The following WDR87 variants were observed in gnomAD, a reference collection of about 807,000 sequenced individuals.
WDR87 encodes the protein WD repeat domain 87.
Under a neutral mutation model 83.3 loss-of-function variants are expected in WDR87, and 56 were observed. That is an observed-to-expected ratio of 0.67 (90% CI 0.54 to 0.84). The LOEUF (loss-of-function observed/expected upper bound fraction) is 0.84, where lower values mean the gene tolerates loss of function less well. Among genes scored for constraint, WDR87 ranks in the 40% least tolerant of loss-of-function variants. The pLI is 0.00. For missense variants in WDR87, 2,939 were observed against 3,431.9 expected (o/e 0.86, Z 3.59); for synonymous variants, 1,173 against 1,250.6 (o/e 0.94, Z 1.31).
chr19:37,905,625 C>G (rs1830738038), intron 1 of WDR87, among the ~76,000 whole-genome samples: 1 of 151,530 alleles, frequency 6.6e-6, no homozygotes, highest in Non-Finnish European at 1.5e-5. Context: ...GGCAGTGGTG[C>G]AATCATGGTT....
intron 5 of WDR87, 119 bp downstream of exon 5, chr19:37,891,433 A>T: frequency 3.0e-6 from 4 of 1,317,724 alleles, no homozygotes; most frequent in Non-Finnish European, 3.1e-6. Flanking sequence ...CAGTGCTGGA[A>T]TTACAGGCAT....
Position 37,895,337 on chromosome 19 carries a change from CA to C in WDR87, c.365del (p.Val122GlyfsTer7). On this transcript the variant is annotated frameshift_variant, in exon 4 of 6. Transcript: ENST00000447313. LOFTEE classifies it high-confidence loss of function. ...MVHAGSFHIL[V>X]VYCGDLILRL... ...GCAGGATCAGGTCACCACAGTAGACCACGAGGATATGAAAGGAGCCTGCATG... is the reference window on the plus strand; with the variant it reads ...GCAGGATCAGGTCACCACAGTAGACCCGAGGATATGAAAGGAGCCTGCATG... 6.4e-7 allele frequency: 1 copy of C among 1,551,718 alleles called. No homozygotes were observed. Among genetic ancestry groups the C allele is most frequent in the Non-Finnish European group, 8.7e-7 (1 of 1,147,010 alleles).
Position 37,885,417 on chromosome 19 carries a change from T to G in WDR87, c.8254A>C (p.Thr2752Pro). The G allele has an allele frequency of 6.4e-7, 1 of 1,551,848 alleles. No individual in the cohort carries two copies. The highest frequency in any genetic ancestry group is 1.2e-5 in the South Asian group (1 of 84,066). ...TCCTTTTTTTTAGAAATGGGCTGTGTCTTCTTCTCTAACTTGGGCAGTTTA... is the reference window on the plus strand; with the variant it reads ...TCCTTTTTTTTAGAAATGGGCTGTGGCTTCTTCTCTAACTTGGGCAGTTTA... Reference protein sequence around the residue: ...FPKLPKLEKKTQPISKKKEEL... With the variant: ...FPKLPKLEKKPQPISKKKEEL... Residue 2752 changes from threonine (T) to proline (P), a missense_variant, in exon 6 of 6, where the codon ACA becomes CCA. Transcript: ENST00000447313.
At position 37,886,777 on chromosome 19, in the gene WDR87, C is replaced by CTCCTCCCTTTCCTCTTCT. The variant is rs2046151544; in HGVS notation, c.6876_6893dup (p.Glu2303_Arg2308dup). The CTCCTCCCTTTCCTCTTCT allele has an allele frequency of 1.4e-6, 2 of 1,434,684 alleles. No individual in the cohort carries two copies. Among genetic ancestry groups the CTCCTCCCTTTCCTCTTCT allele is most frequent in the Non-Finnish European group, 1.9e-6 (2 of 1,055,006 alleles). 88.9% of individuals were successfully genotyped at this position (1,434,684 alleles called of 1,614,324 possible). On this transcript the variant is annotated inframe_insertion, in exon 6 of 6. Coordinates refer to ENST00000447313, the MANE Select transcript of WDR87 (RefSeq NM_001291088.2). Reference sequence around the variant, plus strand: ...CCTCCTCCTCCTCCCTTTCCTCCTCCTCCTCCCTTTCCTCTTCTTCCTCCC... The same window carrying CTCCTCCCTTTCCTCTTCT: ...CCTCCTCCTCCTCCCTTTCCTCCTCCTCCTCCCTTTCCTCTTCTTCCTCCCTTTCCTCTTCTTCCTCCC...
In WDR87 at chr19:37,886,750, TTCC is replaced by T. The variant is rs749855670; in HGVS notation, c.6918_6920del (p.Glu2307del). The T allele has an allele frequency of 7.9e-5, 104 of 1,316,250 alleles. No individual in the cohort carries two copies. Among genetic ancestry groups the T allele is most frequent in the Middle Eastern group, 6.0e-4 (3 of 5,022 alleles). 81.5% of individuals were successfully genotyped at this position (1,316,250 alleles called of 1,614,324 possible). A position where few individuals can be genotyped will look rare whatever the true frequency, so the allele number is the denominator to read the frequency against. On this transcript the variant is annotated inframe_deletion, in exon 6 of 6. Transcript: ENST00000447313. ...CCTCCCCTTCCTCCTCCTCCTTCCT[TTCC>T]TCCTCCTCCTCCCTTTCCTCCTCCT...
intron 2 of WDR87, among the ~76,000 whole-genome samples, chr19:37,897,932 G>A (rs181651979): frequency 6.6e-6 from 1 of 152,172 alleles, no homozygotes; most frequent in Admixed American, 6.5e-5. Flanking sequence ...TTTCCAGAAG[G>A]TCAGTTCCTC....
chr19:37,897,288 A>C (rs1297092737), intron 2 of WDR87, among the ~76,000 whole-genome samples: 1 of 148,592 alleles, frequency 6.7e-6, no homozygotes, highest in African/African-American at 2.5e-5. Flanking sequence ...GCTCATTGCA[A>C]CCTTTGCCTC....
rs1568449822 is a variant in WDR87, at chr19:37,888,520, TTTCTC to T, written c.5146_5150del (p.Glu1716ThrfsTer10). 3.9e-6 allele frequency: 6 copies of T among 1,551,696 alleles called. No homozygotes were observed. The highest frequency in any genetic ancestry group is 5.2e-6 in the Non-Finnish European group (6 of 1,146,984). On this transcript the variant is annotated frameshift_variant, in exon 6 of 6. Coordinates refer to ENST00000447313, the MANE Select transcript of WDR87 (RefSeq NM_001291088.2). LOFTEE classifies it low-confidence loss of function (END_TRUNC). ...CCAGTTTCCCTCCTTTCTTTGCTAGTTTCTCTTCTTCTCTAGCCACTTTCTCCCAT... is the reference window on the plus strand; with the variant it reads ...CCAGTTTCCCTCCTTTCTTTGCTAGTTTCTTCTCTAGCCACTTTCTCCCAT...
chr19:37,888,558 C>T lies in WDR87; in HGVS notation c.5113G>A (p.Ala1705Thr). 1 of 1,551,856 alleles carries T rather than the reference C, an allele frequency of 6.4e-7. No individual in the cohort carries two copies. Among genetic ancestry groups the T allele is most frequent in the Admixed American group, 2.0e-5 (1 of 50,986 alleles). The change falls in exon 6 of 6, where the codon GCC becomes ACC. Residue 1705 changes from alanine (A) to threonine (T), a missense_variant. Physicochemically the swap from Ala to Thr is moderately conservative, Grantham distance 58 (BLOSUM62 0). Coordinates refer to ENST00000447313, the MANE Select transcript of WDR87 (RefSeq NM_001291088.2). The stretch of plus-strand genomic sequence containing the variant: ...CTAGCCACTTTCTCCCATTTCTTGG[C>T]CAGTTTCTTCCTTTTCTGGGCCAAT... ...EKLAQKRKKL[A>T]KKWEKVAREE...
At chr19:37,900,560 C>CAAAAAAAAAAAAAAAAA (rs58946958) in intron 1 of WDR87, among the ~76,000 whole-genome samples, 4 of 78,090 alleles carry the variant, frequency 5.1e-5, no homozygotes, top group Admixed American at 1.6e-4. Context: ...GACTCCGTCT[C>CAAAAAAAAAAAAAAAAA]AAAAAAAAAA....
At chr19:37,902,022 G>GTTTGTTTA (rs1160986178) in intron 1 of WDR87, among the ~76,000 whole-genome samples, 68 of 145,188 alleles carry the variant, frequency 4.7e-4, no homozygotes, top group Admixed American at 3.6e-3. Flanking sequence ...GGCCCTCTAT[G>GTTTGTTTA]TTTATTTATT....
At position 37,894,110 on chromosome 19, in the gene WDR87, A is replaced by G. The variant is rs1599766177; in HGVS notation, c.1593T>C (p.Asp531=). The G allele has an allele frequency of 1.3e-6, 2 of 1,552,358 alleles. No individual in the cohort carries two copies. Among genetic ancestry groups the G allele is most frequent in the East Asian group, 2.4e-5 (1 of 40,928 alleles). Residue 531 remains aspartate (D), a synonymous_variant, in exon 4 of 6, where the codon GAT becomes GAC. Transcript: ENST00000447313. The part of the protein sequence containing the change: ...GNSLLCSYGM[D]DYVHLSEAVL... ...CAGCTTCTGACAGGTGCACATAGTC[A>G]TCCATTCCATAGGAACAGAGCAGAG...
At position 37,892,967 on chromosome 19, in the gene WDR87, C is replaced by T. The variant is rs1256299834; in HGVS notation, c.2736G>A (p.Lys912=). ...DGANRSWLGR[K]MSEITINSMI... is the part of the protein sequence containing the mutation. ...TGCTATTAATGGTTATTTCACTCAT[C>T]TTTCTTCCCAGCCAACTTCGGTTTG... The change falls in exon 4 of 6, where the codon AAG becomes AAA. Residue 912 remains lysine, a synonymous_variant. Transcript: ENST00000447313. The T allele has an allele frequency of 1.3e-6, 2 of 1,552,000 alleles. No individual in the cohort carries two copies. Among genetic ancestry groups the T allele is most frequent in the Non-Finnish European group, 8.7e-7 (1 of 1,147,078 alleles).
chr19:37,898,374 T>C (rs2046272200), intron 1 of WDR87, 89 bp from the exon 2 acceptor site: 11 of 1,442,850 alleles, frequency 7.6e-6, no homozygotes, highest in African/African-American at 1.4e-5. Context: ...CTCATGTTTA[T>C]TGAACACCTT....
At chr19:37,900,962 CAAAAAAAAA>C (rs878938966) in intron 1 of WDR87, among the ~76,000 whole-genome samples, 13 of 29,514 alleles carry the variant, frequency 4.4e-4, no homozygotes, top group Non-Finnish European at 6.7e-4. Flanking sequence ...CCTGTCTCTA[CAAAAAAAAA>C]AAAAAAAAAA....
chr19:37,906,695 C>T (rs1464160921), upstream of WDR87: 1 of 143,754 alleles, frequency 7.0e-6, no homozygotes. Context: ...GGCGCGCGCC[C>T]GGCGCGAGAA....
chr19:37,902,482 T>C (rs2046299448), intron 1 of WDR87, among the ~76,000 whole-genome samples: 1 of 152,148 alleles, frequency 6.6e-6, no homozygotes, highest in South Asian at 2.1e-4. Flanking sequence ...CCTCCCAAAG[T>C]GCTGGGATTA....
At chr19:37,902,718 G>A (rs2046300858) in intron 1 of WDR87, among the ~76,000 whole-genome samples, 1 of 152,134 alleles carries the variant, frequency 6.6e-6, no homozygotes, top group African/African-American at 2.4e-5. Flanking sequence ...GCATTAGTTG[G>A]TGGCCTGAGG....
Position 37,893,668 on chromosome 19 carries a change from G to C in WDR87, c.2035C>G (p.Pro679Ala). 1.3e-6 allele frequency: 2 copies of C among 1,552,126 alleles called. No homozygotes were observed. The highest frequency in any genetic ancestry group is 1.7e-6 in the Non-Finnish European group (2 of 1,147,104). ...GAAAGGCGAGTCAGCAGGGCTGGGG[G>C]AAGCAATTTTAAACAGGACACTAGG... Reference protein sequence around the residue: ...LYLVSCLKLLPPALLTRLSFM... With the variant: ...LYLVSCLKLLAPALLTRLSFM... The change falls in exon 4 of 6, where the codon CCC becomes GCC. Residue 679 changes from proline (P) to alanine (A), a missense_variant. By Grantham distance (27) the Pro-to-Ala change is conservative. Coordinates refer to ENST00000447313, the MANE Select transcript of WDR87 (RefSeq NM_001291088.2).
Sources: gnomAD v4.1 joint callset for allele counts (sites outside exome capture counted in the v4.1 genomes callset) on GRCh38, gnomAD v4.1.1 for gene constraint, MANE v1.5 for transcripts, NCBI Gene and HGNC (gene_info 2026-07-23, HGNC 2026-07-21) for gene names.